CHRNA9: variants seen among roughly 807,000 people sequenced by gnomAD.
CHRNA9 encodes cholinergic receptor nicotinic alpha 9 subunit.
In CHRNA9, 24 loss-of-function variants were observed where a neutral mutation model predicts 36.8. That is an observed-to-expected ratio of 0.65 (90% CI 0.47 to 0.92). The LOEUF is 0.92. Among genes scored for constraint, CHRNA9 ranks in the 40% least tolerant of loss-of-function variants. CHRNA9 has a pLI of 0.00. For missense variants in CHRNA9, 610 were observed against 601.2 expected (o/e 1.01, Z -0.15); for synonymous variants, 231 against 231.8 (o/e 1.00, Z 0.03).
At chr4:40,349,469 C>G (rs913782881) in intron 4 of CHRNA9, 55 bp downstream of exon 4, 5 of 1,510,904 alleles carry the variant, frequency 3.3e-6, no homozygotes, top group East Asian at 4.5e-5. Flanking sequence ...TGGGGTCATG[C>G]CTTTAAGGTT....
chr4:40,349,700 G>A (rs892679486), intron 4 of CHRNA9: 21 of 327,438 alleles, frequency 6.4e-5, no homozygotes, highest in East Asian at 3.1e-4. Context: ...GCACAGCATC[G>A]GCATCCCCTG....
In CHRNA9 at chr4:40,354,440, G is replaced by A; in HGVS notation, c.1360G>A (p.Val454Ile). ...GAGTGAATGGAAGAAGGTGGCGAAA[G>A]TCATAGACCGATTCTTCATGTGGAT... Reference protein sequence around the residue: ...KGSEWKKVAKVIDRFFMWIFF... With the variant: ...KGSEWKKVAKIIDRFFMWIFF... Residue 454 changes from valine (V) to isoleucine (I), a missense_variant, in exon 5 of 5, where the codon GTC (valine) becomes ATC (isoleucine). By Grantham distance (29) the Val-to-Ile change is conservative (BLOSUM62 3). Transcript: ENST00000310169. 1 of 1,614,130 alleles carries A rather than the reference G, an allele frequency of 6.2e-7. No individual in the cohort carries two copies. Among genetic ancestry groups the A allele is most frequent in the Non-Finnish European group, 8.5e-7 (1 of 1,179,982 alleles).
chr4:40,345,410 T>A lies in CHRNA9; in HGVS notation c.366-3472T>A, dbSNP rs116181042. On this transcript the variant is annotated intron_variant, in intron 3 of 4. Coordinates refer to ENST00000310169, the MANE Select transcript of CHRNA9 (RefSeq NM_017581.4). Reference sequence around the variant, plus strand: ...CTACAAAAAAAATATATTTTTAATATAATGTATTTAAATTACTCAAGGCCG... The same window carrying A: ...CTACAAAAAAAATATATTTTTAATAAAATGTATTTAAATTACTCAAGGCCG... Among the ~76,000 whole-genome samples the A allele has an allele frequency of 3.0e-3, 463 of 152,234 alleles. 1 individual carries two copies. Among genetic ancestry groups the A allele is most frequent in the African/African-American group, 0.011 (441 of 41,526 alleles).
In CHRNA9 at chr4:40,348,894, A is replaced by G. The variant is rs747534143; in HGVS notation, c.378A>G (p.Glu126=). Residue 126 remains glutamate, a synonymous_variant, in exon 4 of 5, where the codon GAA becomes GAG. Transcript: ENST00000310169. ...ATCTGACCTTCAGGGCTGATGATGA[A>G]TCTTCAGAGCCTGTGAACACCAATG... ...DIVLYNKADD[E]SSEPVNTNVV... 1.2e-6 allele frequency: 2 copies of G among 1,611,276 alleles called. No individual in the cohort carries two copies. Among genetic ancestry groups the G allele is most frequent in the East Asian group, 4.5e-5 (2 of 44,804 alleles).
At chr4:40,343,283 C>A (rs183206428) in intron 3 of CHRNA9, among the ~76,000 whole-genome samples, 1 of 152,186 alleles carries the variant, frequency 6.6e-6, no homozygotes, top group Non-Finnish European at 1.5e-5. Flanking sequence ...ATACCCAAGA[C>A]TGGGTAATTT....
In CHRNA9 at chr4:40,343,398, A is replaced by G. The variant is rs143852601; in HGVS notation, c.366-5484A>G. On this transcript the variant is annotated intron_variant, in intron 3 of 4. Coordinates refer to ENST00000310169, the MANE Select transcript of CHRNA9 (RefSeq NM_017581.4). Reference sequence around the variant, plus strand: ...GCAAAGTCACATCTTACATGGTGGCAGGCAAGAGAGAATGTGCAGGGGAAC... The same window carrying G: ...GCAAAGTCACATCTTACATGGTGGCGGGCAAGAGAGAATGTGCAGGGGAAC... Among the ~76,000 whole-genome samples the G allele has an allele frequency of 1.6e-3, 237 of 152,340 alleles. 1 individual carries two copies. Among genetic ancestry groups the G allele is most frequent in the African/African-American group, 5.3e-3 (222 of 41,580 alleles).
At chr4:40,344,297 G>A (rs1331321999) in intron 3 of CHRNA9, among the ~76,000 whole-genome samples, 1 of 152,186 alleles carries the variant, frequency 6.6e-6, no homozygotes, top group African/African-American at 2.4e-5. Context: ...TTGGGAGGTT[G>A]AGGTGGGTGG....
Position 40,349,063 on chromosome 4 carries a change from G to A in CHRNA9, c.547G>A (p.Val183Met), listed in dbSNP as rs1289001228. 1.2e-6 allele frequency: 2 copies of A among 1,614,146 alleles called. No homozygotes were observed. Among genetic ancestry groups the A allele is most frequent in the Non-Finnish European group, 1.7e-6 (2 of 1,180,020 alleles). ...TTCCTGGACCTACAATGGCAATCAG[G>A]TGGACATATTCAACGCCTTGGACAG... ...FGSWTYNGNQ[V>M]DIFNALDSGD... The change falls in exon 4 of 5, where the codon GTG (valine) becomes ATG (methionine). Residue 183 changes from valine to methionine, a missense_variant. Physicochemically the swap from Val to Met is conservative, Grantham distance 21. Coordinates refer to ENST00000310169, the MANE Select transcript of CHRNA9 (RefSeq NM_017581.4).
At chr4:40,351,238 A>G (rs1206088168) in intron 4 of CHRNA9, among the ~76,000 whole-genome samples, 4 of 151,736 alleles carry the variant, frequency 2.6e-5, no homozygotes, top group Non-Finnish European at 5.9e-5. Flanking sequence ...AGGCTGAGAC[A>G]GGAGAATCAC....
At chr4:40,347,913 G>C (rs1012294545) in intron 3 of CHRNA9, 1 of 152,224 alleles carries the variant, frequency 6.6e-6, no homozygotes, top group East Asian at 1.9e-4. Context: ...CTCTTTGGTT[G>C]TAAGCATCAG....
chr4:40,339,707 C>CTAGAGTGCAGTGGTGTGAGT (rs1712446082), intron 3 of CHRNA9, among the ~76,000 whole-genome samples: 1 of 151,394 alleles, frequency 6.6e-6, no homozygotes. Flanking sequence ...CTATCGCCCA[C>CTAGAGTGCAGTGGTGTGAGT]GCTAGAGTGC....
intron 2 of CHRNA9, 34 bp downstream of exon 2, chr4:40,336,006 A>C (rs1326408063): frequency 1.3e-6 from 2 of 1,572,776 alleles, no homozygotes; most frequent in Non-Finnish European, 1.7e-6. Context: ...CTGTGGAATG[A>C]TTCTTAGAGG....
chr4:40,348,937 G>A lies in CHRNA9; in HGVS notation c.421G>A (p.Gly141Arg), dbSNP rs1560318004. The part of the protein sequence containing the change: ...VNTNVVLRYD[G>R]LITWDAPAIT... ...CACCAATGTGGTCCTGCGGTATGAT[G>A]GGCTGATCACCTGGGATGCACCGGC... The change falls in exon 4 of 5, where the codon GGG becomes AGG. Residue 141 changes from glycine (G) to arginine (R), a missense_variant. Transcript: ENST00000310169. 6.2e-7 allele frequency: 1 copy of A among 1,614,128 alleles called. No individual in the cohort carries two copies. Among genetic ancestry groups the A allele is most frequent in the Non-Finnish European group, 8.5e-7 (1 of 1,180,014 alleles).
chr4:40,352,390 G>GT (rs1297038920), intron 4 of CHRNA9, among the ~76,000 whole-genome samples: 1 of 151,874 alleles, frequency 6.6e-6, no homozygotes, highest in Non-Finnish European at 1.5e-5. Flanking sequence ...CCCAGCTAAT[G>GT]TTTTTTATAT....
rs1286063313 is a variant in CHRNA9, at chr4:40,355,057, G to A, written c.*537G>A. 6.6e-6 allele frequency: 1 copy of A among 152,658 alleles called. No homozygotes were observed. Among genetic ancestry groups the A allele is most frequent in the Non-Finnish European group, 1.5e-5 (1 of 68,448 alleles). The allele number at this position is 152,658 out of a possible 1,614,324, so 9.5% of individuals were successfully genotyped here. A position where few individuals can be genotyped will look rare whatever the true frequency, so the allele number is the denominator to read the frequency against. On this transcript the variant is annotated 3_prime_UTR_variant, in exon 5 of 5. Coordinates refer to ENST00000310169, the MANE Select transcript of CHRNA9 (RefSeq NM_017581.4). ...AAAGTCTAAGCATCAGCTGTTTAAT[G>A]GGGAAAAGAACTTTCTTCATAATGG...
In CHRNA9 at chr4:40,335,440, G is replaced by A. The variant is rs781618378; in HGVS notation, c.-28G>A. The A allele has an allele frequency of 6.3e-7, 1 of 1,587,868 alleles. No homozygotes were observed. Among genetic ancestry groups the A allele is most frequent in the South Asian group, 1.1e-5 (1 of 90,552 alleles). On this transcript the variant is annotated 5_prime_UTR_variant, in exon 1 of 5. Coordinates refer to ENST00000310169, the MANE Select transcript of CHRNA9 (RefSeq NM_017581.4). ...GTGGAAGACCACGCTGCCTGACTGAGACTTTATTATAGAGGCTCAGGAAAA... is the reference window on the plus strand; with the variant it reads ...GTGGAAGACCACGCTGCCTGACTGAAACTTTATTATAGAGGCTCAGGAAAA...
In CHRNA9 at chr4:40,335,829, G is replaced by A; in HGVS notation, c.67G>A (p.Ala23Thr). ...TCCAGATCCCTCTTGTTGAGTAGCT[G>A]CAGAGACGGCAGATGGAAAATATGC... is the stretch of plus-strand genomic sequence containing the variant. ...IYFAASRLRA[A>T]ETADGKYAQK... The change falls in exon 2 of 5, where the codon GCA becomes ACA. Residue 23 changes from alanine to threonine, a missense_variant and splice_region_variant. Physicochemically the swap from Ala to Thr is moderately conservative, Grantham distance 58 (BLOSUM62 0). Transcript: ENST00000310169. 1.9e-6 allele frequency: 3 copies of A among 1,612,158 alleles called. No individual in the cohort carries two copies. Among genetic ancestry groups the A allele is most frequent in the Non-Finnish European group, 2.5e-6 (3 of 1,178,620 alleles).
At chr4:40,341,298 G>A (rs59107391) in intron 3 of CHRNA9, among the ~76,000 whole-genome samples, 21,330 of 151,418 alleles carry the variant, frequency 0.14, 1,559 homozygotes, top group African/African-American at 0.16. Flanking sequence ...TTTTTGGCGG[G>A]GGTGGTGGCG....
At chr4:40,349,540 A>C (rs528475838) in intron 4 of CHRNA9, 126 bp downstream of exon 4, 1 of 909,418 alleles carries the variant, frequency 1.1e-6, no homozygotes, top group African/African-American at 1.7e-5. Flanking sequence ...AGACTGTCTC[A>C]AATTTTTCTG....
Sources: allele counts gnomAD v4.1 joint callset (sites outside exome capture counted in the v4.1 genomes callset), GRCh38; gene constraint gnomAD v4.1.1; transcripts MANE v1.5; gene names NCBI Gene and HGNC (gene_info 2026-07-23, HGNC 2026-07-21).